The following ABTB3 variants were observed in gnomAD, a reference collection of about 807,000 sequenced individuals.
The protein encoded by ABTB3 is ankyrin repeat and BTB domain containing 3.
At chr12:107,365,881 G>A in the ABTB3 span, among the ~76,000 whole-genome samples, 1 of 152,224 alleles carries the variant, frequency 6.6e-6, no homozygotes, top group Non-Finnish European at 1.5e-5. Flanking sequence ...CATGGAATTT[G>A]ACAGCCTCTA....
At chr12:107,495,261 C>A in the ABTB3 span, among the ~76,000 whole-genome samples, 1 of 152,204 alleles carries the variant, frequency 6.6e-6, no homozygotes, top group African/African-American at 2.4e-5. Flanking sequence ...CAGTGTCCAG[C>A]CTGTTGGGGG....
the ABTB3 span, among the ~76,000 whole-genome samples, chr12:107,636,917 G>T: frequency 6.6e-6 from 1 of 152,196 alleles, no homozygotes; most frequent in South Asian, 2.1e-4. Context: ...TTAGCTACAG[G>T]AAGGGAGGGA....
the ABTB3 span, among the ~76,000 whole-genome samples, chr12:107,339,452 C>T: frequency 6.6e-6 from 1 of 152,172 alleles, no homozygotes; most frequent in Non-Finnish European, 1.5e-5. Flanking sequence ...AAGATTGTCA[C>T]AATCAAAATC....
At chr12:107,546,848 G>A in the ABTB3 span, among the ~76,000 whole-genome samples, 2 of 152,186 alleles carry the variant, frequency 1.3e-5, no homozygotes, top group African/African-American at 4.8e-5. Flanking sequence ...CTAGGTGACA[G>A]AGTGAGATTC....
the ABTB3 span, among the ~76,000 whole-genome samples, chr12:107,488,875 T>C: frequency 2.0e-5 from 3 of 151,894 alleles, no homozygotes; most frequent in Non-Finnish European, 4.4e-5. Context: ...TGTGTAGATG[T>C]TGAAGGCCTG....
chr12:107,404,062 C>T, the ABTB3 span, among the ~76,000 whole-genome samples: 9 of 146,116 alleles, frequency 6.2e-5, no homozygotes, highest in South Asian at 2.0e-3. Context: ...ACTTGGGAGG[C>T]TGAGGCAGGA....
At chr12:107,535,108 T>C in the ABTB3 span, among the ~76,000 whole-genome samples, 1 of 152,192 alleles carries the variant, frequency 6.6e-6, no homozygotes, top group Non-Finnish European at 1.5e-5. Context: ...CTGGTTGGAT[T>C]AATCCTAGAA....
At chr12:107,348,618 G>A in the ABTB3 span, among the ~76,000 whole-genome samples, 21 of 152,156 alleles carry the variant, frequency 1.4e-4, no homozygotes, top group African/African-American at 2.4e-4. Flanking sequence ...CCAGCTACTC[G>A]AGAGGCTGAG....
the ABTB3 span, among the ~76,000 whole-genome samples, chr12:107,445,257 G>T: frequency 6.6e-6 from 1 of 152,150 alleles, no homozygotes; most frequent in African/African-American, 2.4e-5. Context: ...TAGGCCCTGA[G>T]AATTCAAGGA....
chr12:107,431,963 G>A, the ABTB3 span, among the ~76,000 whole-genome samples: 3 of 152,214 alleles, frequency 2.0e-5, no homozygotes, highest in Non-Finnish European at 4.4e-5. Flanking sequence ...GTTTGCAGGT[G>A]GAGGTCATTA....
chr12:107,543,200 G>C, the ABTB3 span, among the ~76,000 whole-genome samples: 1 of 151,984 alleles, frequency 6.6e-6, no homozygotes, highest in Non-Finnish European at 1.5e-5. Context: ...ACCGGTTGTG[G>C]TGGCAGGCAC....
At chr12:107,415,101 G>A in the ABTB3 span, among the ~76,000 whole-genome samples, 4 of 152,204 alleles carry the variant, frequency 2.6e-5, no homozygotes, top group South Asian at 4.2e-4. Flanking sequence ...TTTGGGACAC[G>A]CACGATCTGT....
the ABTB3 span, among the ~76,000 whole-genome samples, chr12:107,326,076 T>C: frequency 6.6e-6 from 1 of 152,128 alleles, no homozygotes; most frequent in Admixed American, 6.5e-5. Context: ...CAGCTAATTT[T>C]GTATTTTTAG....
At chr12:107,373,170 G>A in the ABTB3 span, among the ~76,000 whole-genome samples, 1 of 152,226 alleles carries the variant, frequency 6.6e-6, no homozygotes, top group Non-Finnish European at 1.5e-5. Flanking sequence ...ACACAAATAT[G>A]TGTTGGAAGA....
At chr12:107,481,582 G>A in the ABTB3 span, among the ~76,000 whole-genome samples, 1 of 152,140 alleles carries the variant, frequency 6.6e-6, no homozygotes, top group Non-Finnish European at 1.5e-5. Flanking sequence ...TGGAAGCCCA[G>A]GGAGGTGAAA....
the ABTB3 span, among the ~76,000 whole-genome samples, chr12:107,522,128 C>G: frequency 6.6e-6 from 1 of 152,058 alleles, no homozygotes; most frequent in African/African-American, 2.4e-5. Flanking sequence ...GAAGGTATTC[C>G]TCTTCTTATA....
At chr12:107,384,210 G>T in the ABTB3 span, among the ~76,000 whole-genome samples, 2 of 137,726 alleles carry the variant, frequency 1.5e-5, no homozygotes, top group Non-Finnish European at 3.3e-5. Context: ...CAACATCCAG[G>T]GAGGTAGAAA....
the ABTB3 span, chr12:107,318,611 C>T: frequency 1.4e-5 from 3 of 216,868 alleles, no homozygotes; most frequent in Non-Finnish European, 9.0e-6. Flanking sequence ...CTGCGCCCAG[C>T]GGGGCTCAGG....
At chr12:107,396,525 A>G in the ABTB3 span, among the ~76,000 whole-genome samples, 1 of 152,194 alleles carries the variant, frequency 6.6e-6, no homozygotes, top group Non-Finnish European at 1.5e-5. Context: ...GCAAAAGACA[A>G]GGTAAACCCA....
Sources: allele counts gnomAD v4.1 joint callset (sites outside exome capture counted in the v4.1 genomes callset), GRCh38; gene constraint gnomAD v4.1.1; transcripts MANE v1.5; gene names NCBI Gene and HGNC (gene_info 2026-07-23, HGNC 2026-07-21).